The following HDAC4 variants were observed in gnomAD, a reference collection of about 807,000 sequenced individuals.
HDAC4 encodes the protein histone deacetylase A.
A neutral mutation model predicts 135.1 loss-of-function variants in HDAC4; 16 were observed. The observed-to-expected ratio is 0.12, with a 90% CI of 0.08 to 0.18. The LOEUF is 0.18. Among genes scored for constraint, HDAC4 ranks in the 10% least tolerant of loss-of-function variants. The pLI, the probability that HDAC4 is intolerant of heterozygous loss-of-function variation, is 1.00. For missense variants in HDAC4, 1,143 were observed against 1,511.8 expected (o/e 0.76, Z 4.05); for synonymous variants, 685 against 653.4 (o/e 1.05, Z -0.74).
chr2:239,077,821 C>A (rs977466207), intron 22 of HDAC4, among the ~76,000 whole-genome samples: 1 of 152,210 alleles, frequency 6.6e-6, no homozygotes, highest in South Asian at 2.1e-4. Context: ...AGCAACACAG[C>A]AACACAGCTT....
At chr2:239,294,201 A>G (rs2051707401) in intron 2 of HDAC4, among the ~76,000 whole-genome samples, 1 of 152,180 alleles carries the variant, frequency 6.6e-6, no homozygotes, top group African/African-American at 2.4e-5. Flanking sequence ...ATCCACCTCT[A>G]TCAACTCCCA....
intron 7 of HDAC4, among the ~76,000 whole-genome samples, chr2:239,151,675 C>T (rs556197855): frequency 2.6e-5 from 4 of 152,312 alleles, no homozygotes; most frequent in South Asian, 4.1e-4. Flanking sequence ...CAATTCACAC[C>T]CAACTGTGGG....
rs1181288612 is a variant in HDAC4, at chr2:239,262,460, T to G, written c.23-25796A>C. 6.6e-6 allele frequency among the ~76,000 whole-genome samples: 1 copy of G among 152,134 alleles called. No homozygotes were observed. The highest frequency in any genetic ancestry group is 6.5e-5 in the Admixed American group (1 of 15,280). ...GTGAAAGCAGAGATAGAAATTTAATTAGAAACAGACGAGGATCTTCTCAAA... is the reference window on the plus strand; with the variant it reads ...GTGAAAGCAGAGATAGAAATTTAATGAGAAACAGACGAGGATCTTCTCAAA... On this transcript the variant is annotated intron_variant, in intron 2 of 26. Transcript: ENST00000543185. This position sits in a 1 kb window ranked among gnomAD's most constrained non-coding sequence, Gnocchi z 4.1.
chr2:239,257,599 T>G (rs2049121979), intron 2 of HDAC4, among the ~76,000 whole-genome samples: 1 of 152,070 alleles, frequency 6.6e-6, no homozygotes, highest in South Asian at 2.1e-4. Flanking sequence ...AAAAAGAGAC[T>G]CCACAATAAA....
chr2:239,232,446 G>A (rs553584111), intron 3 of HDAC4, among the ~76,000 whole-genome samples: 3 of 152,172 alleles, frequency 2.0e-5, no homozygotes, highest in Non-Finnish European at 4.4e-5. Context: ...CAAGGCTCTG[G>A]CAGAGAACCG....
At chr2:239,294,670 G>A (rs917617757) in intron 2 of HDAC4, among the ~76,000 whole-genome samples, 1 of 151,998 alleles carries the variant, frequency 6.6e-6, no homozygotes, top group African/African-American at 2.4e-5. Flanking sequence ...AGCAGAGCTG[G>A]CTCCAGAACA....
chr2:239,378,935 C>T (rs1695219043), intron 1 of HDAC4, among the ~76,000 whole-genome samples: 1 of 152,230 alleles, frequency 6.6e-6, no homozygotes, highest in Admixed American at 6.5e-5. Flanking sequence ...GGAAGCAGCC[C>T]TCTTTCCCCT....
intron 3 of HDAC4, among the ~76,000 whole-genome samples, chr2:239,223,174 G>A (rs972959679): frequency 6.6e-6 from 1 of 152,156 alleles, no homozygotes; most frequent in Non-Finnish European, 1.5e-5. Flanking sequence ...ACCTCCAAAC[G>A]TTTGGTTATG....
chr2:239,140,292 CT>C (rs1395107142), intron 8 of HDAC4, among the ~76,000 whole-genome samples: 1 of 152,188 alleles, frequency 6.6e-6, no homozygotes. Flanking sequence ...CCAGTGTCTC[CT>C]GAGATCTATC....
intron 5 of HDAC4, among the ~76,000 whole-genome samples, chr2:239,171,309 T>C (rs964120277): frequency 2.0e-5 from 3 of 151,832 alleles, no homozygotes; most frequent in Non-Finnish European, 2.9e-5. Flanking sequence ...TGGAAAACTA[T>C]GAAAAAGGGC....
intron 15 of HDAC4, among the ~76,000 whole-genome samples, chr2:239,104,269 C>T (rs1207979908): frequency 6.6e-6 from 1 of 152,132 alleles, no homozygotes; most frequent in Non-Finnish European, 1.5e-5. Flanking sequence ...TCGCTCGTTG[C>T]CCAGGCTGGA....
chr2:239,182,599 C>A (rs2044223295), intron 4 of HDAC4, among the ~76,000 whole-genome samples: 1 of 151,164 alleles, frequency 6.6e-6, no homozygotes. Flanking sequence ...GTGATCTCGG[C>A]TTCGCTACTT....
chr2:239,094,280 A>C (rs2036787638), intron 17 of HDAC4: 1 of 985,352 alleles, frequency 1.0e-6, no homozygotes, highest in African/African-American at 1.7e-5. Flanking sequence ...GTCAGGGGCC[A>C]GGGGAGAACT....
chr2:239,323,645 G>A (rs750001680), intron 2 of HDAC4, among the ~76,000 whole-genome samples: 5 of 152,094 alleles, frequency 3.3e-5, no homozygotes, highest in African/African-American at 4.8e-5. Flanking sequence ...AGGTGTGTGC[G>A]CCTGGAAAGT....
At chr2:239,269,632 C>A (rs1007003428) in intron 2 of HDAC4, among the ~76,000 whole-genome samples, 1 of 152,202 alleles carries the variant, frequency 6.6e-6, no homozygotes, top group South Asian at 2.1e-4. Flanking sequence ...CTGGCCACTG[C>A]GAGCCCGTGC....
intron 4 of HDAC4, among the ~76,000 whole-genome samples, chr2:239,182,906 T>C (rs533709699): frequency 6.6e-5 from 10 of 152,184 alleles, no homozygotes; most frequent in Non-Finnish European, 1.5e-4. Context: ...AGTTGGCTTC[T>C]GGAGGGCAGG....
chr2:239,101,834 G>C (rs1213500324), intron 16 of HDAC4, among the ~76,000 whole-genome samples: 1 of 150,878 alleles, frequency 6.6e-6, no homozygotes, highest in Non-Finnish European at 1.5e-5. Context: ...TGTCCTGGGA[G>C]CCCCCGGCCC....
At chr2:239,248,783 G>A (rs1293345713) in intron 2 of HDAC4, among the ~76,000 whole-genome samples, 1 of 152,122 alleles carries the variant, frequency 6.6e-6, no homozygotes, top group African/African-American at 2.4e-5. Flanking sequence ...GATCAAGGTT[G>A]GGACCAACTT....
intron 2 of HDAC4, among the ~76,000 whole-genome samples, chr2:239,337,053 T>C (rs1258675365): frequency 6.6e-6 from 1 of 152,138 alleles, no homozygotes; most frequent in African/African-American, 2.4e-5. Context: ...TTTCCCATGG[T>C]TGGACTGGGG....
Sources: allele counts gnomAD v4.1 joint callset (sites outside exome capture counted in the v4.1 genomes callset), GRCh38; gene constraint gnomAD v4.1.1; non-coding constraint Gnocchi (gnomAD v3.1); transcripts MANE v1.5; gene names NCBI Gene and HGNC (gene_info 2026-07-23, HGNC 2026-07-21).